Variants in SOX6 observed in about 807,000 individuals in gnomAD.
The protein encoded by SOX6 is transcription factor SOX-6.
Under a neutral mutation model 97.8 loss-of-function variants are expected in SOX6, and 11 were observed. That is an observed-to-expected ratio of 0.11 (90% confidence interval 0.07 to 0.19). The LOEUF is 0.19. Ranked by LOEUF, SOX6 falls within the 10% of genes least tolerant of loss-of-function variation. The pLI is 1.00. For missense variants in SOX6, 810 were observed against 1,039.5 expected (o/e 0.78, Z 3.04); for synonymous variants, 360 against 371.4 (o/e 0.97, Z 0.35).
chr11:16,326,410 G>A (rs941633094), intron 2 of SOX6, among the ~76,000 whole-genome samples: 1 of 151,854 alleles, frequency 6.6e-6, no homozygotes, highest in East Asian at 1.9e-4. Flanking sequence ...CAGCAGGATT[G>A]TTCCCTCCAT....
chr11:16,296,256 T>C (rs1483634921), intron 3 of SOX6, among the ~76,000 whole-genome samples: 1 of 152,132 alleles, frequency 6.6e-6, no homozygotes, highest in Non-Finnish European at 1.5e-5. Context: ...TAGTTATGTC[T>C]TTTTTAATAC....
At chr11:16,515,397 T>C (rs1315487127) in intron 4 of SOX6, among the ~76,000 whole-genome samples, 2 of 148,328 alleles carry the variant, frequency 1.3e-5, no homozygotes, top group Non-Finnish European at 3.0e-5. Context: ...TGGGGTTGTT[T>C]GTTTTTTTCT....
intron 4 of SOX6, among the ~76,000 whole-genome samples, chr11:16,560,724 T>C (rs1282992800): frequency 6.6e-6 from 1 of 152,062 alleles, no homozygotes; most frequent in East Asian, 1.9e-4. Flanking sequence ...ACAGTATGAA[T>C]TGTAAACTCA....
chr11:16,082,001 T>G (rs1288919552), intron 9 of SOX6, among the ~76,000 whole-genome samples: 1 of 152,194 alleles, frequency 6.6e-6, no homozygotes, highest in South Asian at 2.1e-4. Context: ...CACACAGATA[T>G]GAATAGACTT....
chr11:16,113,293 G>A (rs1416116192), intron 6 of SOX6, among the ~76,000 whole-genome samples: 1 of 152,200 alleles, frequency 6.6e-6, no homozygotes, highest in Non-Finnish European at 1.5e-5. Flanking sequence ...CATTTCTCAA[G>A]AAAATCAACT....
At chr11:16,727,827 T>C (rs1308354303) in intron 2 of SOX6, among the ~76,000 whole-genome samples, 3 of 152,156 alleles carry the variant, frequency 2.0e-5, no homozygotes, top group Admixed American at 2.0e-4. Flanking sequence ...TTCAACTTCA[T>C]ATGCTCTGGA....
Position 15,996,440 on chromosome 11 carries a change from G to A in SOX6, c.1733-7210C>T, listed in dbSNP as rs1470113929. Among the ~76,000 whole-genome samples, 9 of 151,894 alleles carry A rather than the reference G, an allele frequency of 5.9e-5. No homozygotes were observed. The East Asian group carries it at 1.7e-3, about 30-fold the overall frequency. On this transcript the variant is annotated intron_variant, in intron 13 of 15. Transcript: ENST00000683767. ...GGTCAGGAGTTCAAGACCAGCCTGG[G>A]CAACATACTGAGACTCTGTCTCTAC...
chr11:16,455,155 A>G (rs1859788946), intron 1 of SOX6, among the ~76,000 whole-genome samples: 1 of 152,088 alleles, frequency 6.6e-6, no homozygotes, highest in Non-Finnish European at 1.5e-5. Flanking sequence ...TTTATTAAAA[A>G]TTTAAATCAG....
chr11:16,350,785 T>C (rs1856923830), intron 1 of SOX6, among the ~76,000 whole-genome samples: 1 of 152,144 alleles, frequency 6.6e-6, no homozygotes, highest in Non-Finnish European at 1.5e-5. Flanking sequence ...GTTAATTCTG[T>C]ATATTTCATG....
chr11:16,391,206 G>A (rs1858170221), intron 1 of SOX6, among the ~76,000 whole-genome samples: 1 of 152,150 alleles, frequency 6.6e-6, no homozygotes, highest in African/African-American at 2.4e-5. Context: ...CTGGCTAGGG[G>A]AGGGATAACA....
chr11:16,070,985 A>G (rs1254530950), intron 9 of SOX6, among the ~76,000 whole-genome samples: 1 of 152,260 alleles, frequency 6.6e-6, no homozygotes, highest in East Asian at 1.9e-4. Flanking sequence ...AACAGAGGTC[A>G]CAGTTGTGGT....
At chr11:16,604,138 G>A (rs1275172255) in intron 4 of SOX6, among the ~76,000 whole-genome samples, 1 of 152,258 alleles carries the variant, frequency 6.6e-6, no homozygotes, top group Non-Finnish European at 1.5e-5. Flanking sequence ...GGCCGGTTCA[G>A]GGTTGCTTTT....
intron 3 of SOX6, chr11:16,264,371 A>C (rs1304020648): frequency 6.6e-6 from 1 of 151,960 alleles, no homozygotes; most frequent in African/African-American, 2.4e-5. Context: ...ATTTATATTA[A>C]ATTACATTGG....
At chr11:16,565,239 C>T (rs1847857064) in intron 4 of SOX6, among the ~76,000 whole-genome samples, 1 of 152,092 alleles carries the variant, frequency 6.6e-6, no homozygotes, top group Non-Finnish European at 1.5e-5. Context: ...ACAGAAATTA[C>T]TACAATTCAC....
At chr11:16,597,584 A>C (rs945743839) in intron 4 of SOX6, among the ~76,000 whole-genome samples, 1 of 151,996 alleles carries the variant, frequency 6.6e-6, no homozygotes, top group Non-Finnish European at 1.5e-5. Flanking sequence ...CAAATGAAGA[A>C]GAATGTTTGC....
At chr11:16,517,761 G>A (rs926004202) in intron 4 of SOX6, among the ~76,000 whole-genome samples, 16 of 152,206 alleles carry the variant, frequency 1.1e-4, no homozygotes, top group African/African-American at 3.6e-4. Context: ...AAGTATTCCT[G>A]AATAACTGAT....
chr11:16,695,682 GTGA>G (rs1848047947), intron 3 of SOX6, among the ~76,000 whole-genome samples: 1 of 152,092 alleles, frequency 6.6e-6, no homozygotes, highest in South Asian at 2.1e-4. Context: ...AGTCTTTGTT[GTGA>G]TATTTAGAAA....
chr11:15,969,117 T>G lies in SOX6; in HGVS notation c.*3692A>C, dbSNP rs1853231610. 1 of 148,408 alleles carries G rather than the reference T, an allele frequency of 6.7e-6. No homozygotes were observed. Among genetic ancestry groups the G allele is most frequent in the African/African-American group, 2.5e-5 (1 of 39,954 alleles). 9.2% of individuals were successfully genotyped at this position (148,408 alleles called of 1,614,324 possible). On this transcript the variant is annotated 3_prime_UTR_variant, in exon 16 of 16. Coordinates refer to ENST00000683767, the MANE Select transcript of SOX6 (RefSeq NM_001367873.1). ...TTTGGGAGAGGATTGCCTGGCAGTG[T>G]CCCAATTCTAAGTGACAAGGAGAAC...
chr11:16,294,837 A>C (rs1565075238), intron 3 of SOX6, among the ~76,000 whole-genome samples: 7 of 152,078 alleles, frequency 4.6e-5, no homozygotes, highest in Admixed American at 3.9e-4. Flanking sequence ...AGAATTTCAT[A>C]ATCTTAATTT....
Sources: allele counts gnomAD v4.1 joint callset (sites outside exome capture counted in the v4.1 genomes callset), GRCh38; gene constraint gnomAD v4.1.1; transcripts MANE v1.5; gene names NCBI Gene and HGNC (gene_info 2026-07-23, HGNC 2026-07-21).